Variants in DCHS2 observed in about 807,000 individuals in gnomAD.
DCHS2 encodes protocadherin-23.
A neutral mutation model predicts 182.4 loss-of-function variants in DCHS2; 142 were observed. That is an observed-to-expected ratio of 0.78 (90% CI 0.68 to 0.89). The LOEUF (loss-of-function observed/expected upper bound fraction) is 0.89. Ranked by LOEUF, DCHS2 falls within the 40% of genes least tolerant of loss-of-function variation. The pLI is 0.00. For missense variants in DCHS2, 4,319 were observed against 4,198.6 expected, an observed-to-expected ratio of 1.03 and a Z score of -0.79; for synonymous variants, 1,740 against 1,663.3, an observed-to-expected ratio of 1.05 and a Z score of -1.12.
At chr4:154,385,457 T>C (rs903384607) in intron 1 of DCHS2, among the ~76,000 whole-genome samples, 1 of 152,010 alleles carries the variant, frequency 6.6e-6, no homozygotes, top group African/African-American at 2.4e-5. Context: ...GATGGCTGAG[T>C]CAAATGGCTT....
At chr4:154,284,681 C>T (rs947746253) in intron 13 of DCHS2, 2 of 152,272 alleles carry the variant, frequency 1.3e-5, no homozygotes, top group African/African-American at 4.8e-5. Context: ...CAGCCAGCTC[C>T]CATGGAGGGA....
At chr4:154,382,589 C>A (rs918951926) in intron 1 of DCHS2, among the ~76,000 whole-genome samples, 1 of 152,042 alleles carries the variant, frequency 6.6e-6, no homozygotes, top group East Asian at 1.9e-4. Context: ...TAATCACAAA[C>A]TATATATCTG....
chr4:154,401,506 C>T (rs996998937), intron 1 of DCHS2, among the ~76,000 whole-genome samples: 1 of 152,230 alleles, frequency 6.6e-6, no homozygotes, highest in Non-Finnish European at 1.5e-5. Flanking sequence ...TCCTCATCAA[C>T]ATTGGTGTTA....
Position 154,353,075 on chromosome 4 carries a change from C to T in DCHS2, c.2476+13135G>A, listed in dbSNP as rs115379835. ...GTGATAAAAATTTCCTTTGAGAATT[C>T]CTAACTATAAACCAGATTCACACCA... On this transcript the variant is annotated intron_variant, in intron 3 of 19. Transcript: ENST00000357232. Among the ~76,000 whole-genome samples the T allele has an allele frequency of 6.6e-3, 1,012 of 152,250 alleles. 13 individuals carry two copies. The highest frequency in any genetic ancestry group is 0.023 in the African/African-American group (959 of 41,528).
intron 1 of DCHS2, among the ~76,000 whole-genome samples, chr4:154,433,039 CT>C (rs1400648204): frequency 6.6e-6 from 1 of 152,150 alleles, no homozygotes; most frequent in African/African-American, 2.4e-5. Flanking sequence ...GTGAGTGAAA[CT>C]TTATTTGAAA....
intron 2 of DCHS2, among the ~76,000 whole-genome samples, chr4:154,375,331 C>G (rs1730839307): frequency 6.6e-6 from 1 of 152,002 alleles, no homozygotes; most frequent in Non-Finnish European, 1.5e-5. Flanking sequence ...CTACTAAGCT[C>G]TATTATAATG....
chr4:154,334,913 G>C lies in DCHS2; in HGVS notation c.2668C>G (p.Pro890Ala), dbSNP rs1207448164. 6.2e-7 allele frequency: 1 copy of C among 1,614,130 alleles called. No individual in the cohort carries two copies. Among genetic ancestry groups the C allele is most frequent in the South Asian group, 1.1e-5 (1 of 91,076 alleles). ...ACTGTTCCAATGGGACTATCTTCAG[G>C]CACATCTTCATAAACTAAGAAAGTG... is the stretch of plus-strand genomic sequence containing the variant. ...KYTFLVYEDV[P>A]EDSPIGTVKA... The change falls in exon 4 of 20, where the codon CCT (proline) becomes GCT (alanine). Residue 890 changes from proline to alanine, a missense_variant. Physicochemically the swap from Pro to Ala is conservative, Grantham distance 27 (BLOSUM62 -1). Transcript: ENST00000357232.
intron 3 of DCHS2, 70 bp from the exon 4 acceptor site, chr4:154,335,174 C>T (rs776583787): frequency 4.7e-5 from 47 of 994,450 alleles, no homozygotes; most frequent in Non-Finnish European, 7.1e-5. Context: ...ATAGTAACAC[C>T]TGGTCTATTA....
chr4:154,478,986 G>T (rs1043273597), intron 1 of DCHS2, among the ~76,000 whole-genome samples: 3 of 151,922 alleles, frequency 2.0e-5, no homozygotes, highest in Non-Finnish European at 4.4e-5. Context: ...ACATTTACAA[G>T]ACAAAAAACA....
At chr4:154,348,879 C>T (rs1231115560) in intron 3 of DCHS2, among the ~76,000 whole-genome samples, 1 of 151,828 alleles carries the variant, frequency 6.6e-6, no homozygotes, top group Non-Finnish European at 1.5e-5. Context: ...CAGCAGGAGG[C>T]GTATGGTAAG....
At chr4:154,407,825 T>C (rs994949154) in intron 1 of DCHS2, among the ~76,000 whole-genome samples, 1 of 152,164 alleles carries the variant, frequency 6.6e-6, no homozygotes, top group Non-Finnish European at 1.5e-5. Context: ...CCATTTTCTA[T>C]TGGTAGGTCA....
intron 10 of DCHS2, among the ~76,000 whole-genome samples, chr4:154,308,912 C>T (rs1464309755): frequency 9.2e-5 from 14 of 152,044 alleles, no homozygotes; most frequent in Non-Finnish European, 1.3e-4. Flanking sequence ...TTGATATAAC[C>T]GGAAACCCTA....
At chr4:154,315,082 C>T (rs534740041) in intron 10 of DCHS2, among the ~76,000 whole-genome samples, 51 of 152,200 alleles carry the variant, frequency 3.4e-4, no homozygotes, top group Admixed American at 1.6e-3. Context: ...TTGTTTACTC[C>T]GAAGTCATTT....
At chr4:154,424,579 C>T (rs1320747571) in intron 1 of DCHS2, among the ~76,000 whole-genome samples, 1 of 152,180 alleles carries the variant, frequency 6.6e-6, no homozygotes, top group Non-Finnish European at 1.5e-5. Context: ...TGAATTACTA[C>T]ATCAAACCAG....
chr4:154,271,729 T>C (rs923308477), intron 13 of DCHS2, among the ~76,000 whole-genome samples: 3 of 152,214 alleles, frequency 2.0e-5, no homozygotes, highest in African/African-American at 7.2e-5. Flanking sequence ...CTGCCTTGTT[T>C]TGTAAAAGTA....
At chr4:154,273,127 CA>C (rs1370964252) in intron 13 of DCHS2, among the ~76,000 whole-genome samples, 2 of 151,988 alleles carry the variant, frequency 1.3e-5, no homozygotes, top group Non-Finnish European at 2.9e-5. Context: ...AGTCATTATA[CA>C]AAAAAGATAC....
chr4:154,253,333 G>T (rs992142393), intron 16 of DCHS2, among the ~76,000 whole-genome samples: 1 of 152,048 alleles, frequency 6.6e-6, no homozygotes, highest in African/African-American at 2.4e-5. Context: ...TTAATATTGG[G>T]ACCAATTTAA....
chr4:154,419,255 A>G (rs1732996560), intron 1 of DCHS2, among the ~76,000 whole-genome samples: 2 of 152,252 alleles, frequency 1.3e-5, no homozygotes, highest in African/African-American at 4.8e-5. Context: ...TACAGAAAAT[A>G]GAGTAAGGTT....
intron 1 of DCHS2, among the ~76,000 whole-genome samples, chr4:154,424,354 ACT>A (rs1392523505): frequency 1.3e-5 from 2 of 152,216 alleles, no homozygotes; most frequent in Non-Finnish European, 2.9e-5. Flanking sequence ...AAATGTGTGT[ACT>A]CTCTAAAAAA....
Sources: allele counts gnomAD v4.1 joint callset (sites outside exome capture counted in the v4.1 genomes callset), GRCh38; gene constraint gnomAD v4.1.1; transcripts MANE v1.5; gene names NCBI Gene and HGNC (gene_info 2026-07-23, HGNC 2026-07-21).